The following TRPM1 variants were observed in gnomAD, a reference collection of about 807,000 sequenced individuals.
TRPM1 encodes transient receptor potential cation channel subfamily M member 1, also known as TRPM1-203 APA Isoform, Intron 10.
In TRPM1, 113 loss-of-function variants were observed where a neutral mutation model predicts 149.4. The observed-to-expected ratio is 0.76, with a 90% CI of 0.65 to 0.88. The LOEUF (loss-of-function observed/expected upper bound fraction) is 0.88, where lower values mean the gene tolerates loss of function less well. Ranked by LOEUF, TRPM1 falls within the 40% of genes least tolerant of loss-of-function variation. TRPM1 has a pLI of 0.00. For missense variants in TRPM1, 1,976 were observed against 2,038.7 expected (o/e 0.97, Z 0.59); for synonymous variants, 741 against 759.5 (o/e 0.98, Z 0.40).
intron 1 of TRPM1, among the ~76,000 whole-genome samples, chr15:31,112,723 G>A (rs2035707812): frequency 6.6e-6 from 1 of 152,120 alleles, no homozygotes; most frequent in Non-Finnish European, 1.5e-5. Context: ...TTAGAGCTCA[G>A]GCATTCTCAA....
At chr15:31,105,441 G>C (rs1330593963), upstream of TRPM1, among the ~76,000 whole-genome samples, 48 of 15,940 alleles carry the variant, frequency 3.0e-3, no homozygotes, top group African/African-American at 5.6e-3. Context: ...GTCTCTGTGT[G>C]TGTGTGTGTG....
At chr15:31,160,785 C>T in intron 1 of TRPM1, 5 of 1,120,616 alleles carry the variant, frequency 4.5e-6, no homozygotes, top group Non-Finnish European at 5.2e-6. Context: ...CCATGCCCAC[C>T]CAGCACAGTT....
chr15:31,054,767 C>T (rs2034040332), intron 11 of TRPM1, among the ~76,000 whole-genome samples: 1 of 152,168 alleles, frequency 6.6e-6, no homozygotes. Flanking sequence ...TCCATCACCT[C>T]ACATACTTAT....
chr15:31,017,675 T>C (rs2032413731), intron 27 of TRPM1, among the ~76,000 whole-genome samples: 1 of 152,270 alleles, frequency 6.6e-6, no homozygotes, highest in African/African-American at 2.4e-5. Context: ...AAATCTTCTC[T>C]ATATTGGGGT....
At chr15:31,070,005 G>T in intron 4 of TRPM1, 26 bp downstream of exon 4, 1 of 1,614,204 alleles carries the variant, frequency 6.2e-7, no homozygotes. Context: ...GATCCTAGTG[G>T]CACCATGTCT....
chr15:31,029,539 G>C, intron 23 of TRPM1, 148 bp from the exon 24 acceptor site: 1 of 793,192 alleles, frequency 1.3e-6, no homozygotes, highest in South Asian at 1.5e-5. Flanking sequence ...AATATTTTAA[G>C]CTTGGGAAAT....
chr15:31,119,079 A>G (rs2035841118), intron 1 of TRPM1, among the ~76,000 whole-genome samples: 1 of 152,036 alleles, frequency 6.6e-6, no homozygotes, highest in African/African-American at 2.4e-5. Flanking sequence ...GTCTCTACTA[A>G]AAATACAAAA....
At chr15:31,153,685 A>T (rs559836273) in intron 1 of TRPM1, among the ~76,000 whole-genome samples, 4 of 152,236 alleles carry the variant, frequency 2.6e-5, no homozygotes, top group African/African-American at 9.6e-5. Context: ...CTGTGAATCC[A>T]CTTATCATCT....
Position 31,002,903 on chromosome 15 carries a change from TG to T in TRPM1, c.3796del (p.Gln1266ArgfsTer63). The T allele has an allele frequency of 6.2e-7, 1 of 1,613,792 alleles. No individual in the cohort carries two copies. Among genetic ancestry groups the T allele is most frequent in the South Asian group, 1.1e-5 (1 of 91,060 alleles). On this transcript the variant is annotated frameshift_variant, in exon 28 of 28. Coordinates refer to ENST00000256552, the MANE Select transcript of TRPM1 (RefSeq NM_001252024.2). LOFTEE classifies it low-confidence loss of function (END_TRUNC). ...LAGIDRSDLI[Q>X]ARSRASSECE... ...TTCAGAAGAAGCCCGGGACCGTGCC[TG>T]GATCAGGTCAGACCTGTCGATTCCC...
chr15:31,078,894 T>C (rs1216053936), intron 2 of TRPM1, among the ~76,000 whole-genome samples: 2 of 152,114 alleles, frequency 1.3e-5, no homozygotes, highest in African/African-American at 4.8e-5. Flanking sequence ...CTCCCATGAG[T>C]AGGTTACTTT....
Position 31,002,641 on chromosome 15 carries a change from G to T in TRPM1, c.4059C>A (p.Ser1353Arg), listed in dbSNP as rs199880866. The T allele has an allele frequency of 4.2e-5, 67 of 1,614,194 alleles. 1 individual carries two copies. The Admixed American group carries it at 1.1e-3, about 26-fold the overall frequency. ...GACTGCCATCTGGGGTTGCTGATGTGCTTGTGCCCAGTGAAAGGTGAAGAC... is the reference window on the plus strand; with the variant it reads ...GACTGCCATCTGGGGTTGCTGATGTTCTTGTGCCCAGTGAAAGGTGAAGAC... Reference protein sequence around the residue: ...QNSLHLSLGTSTSATPDGSHL... With the variant: ...QNSLHLSLGTRTSATPDGSHL... Residue 1353 changes from serine (S) to arginine (R), a missense_variant, in exon 28 of 28, where the codon AGC (serine) becomes AGA (arginine). By Grantham distance (110) the Ser-to-Arg change is moderately radical (BLOSUM62 -1). Transcript: ENST00000256552.
In TRPM1 at chr15:31,067,928, C is replaced by G. The variant is rs746679057; in HGVS notation, c.444G>C (p.Lys148Asn). The G allele has an allele frequency of 6.2e-7, 1 of 1,613,950 alleles. No homozygotes were observed. The highest frequency in any genetic ancestry group is 1.7e-5 in the Admixed American group (1 of 60,018). ...TCCAGGCCCCGGTGGTCATAGCAGCCTTGATCAGGCCTTTCCCAAAGACTT... is the reference window on the plus strand; with the variant it reads ...TCCAGGCCCCGGTGGTCATAGCAGCGTTGATCAGGCCTTTCCCAAAGACTT... ...LKQVFGKGLIKAAMTTGAWIF... is the reference protein window; with the variant it reads ...LKQVFGKGLINAAMTTGAWIF... Residue 148 changes from lysine to asparagine, a missense_variant, in exon 5 of 28, where the codon AAG becomes AAC. By Grantham distance (94) the Lys-to-Asn change is moderately conservative (BLOSUM62 0). Around this residue, in one of 3 missense-constraint regions of TRPM1, gnomAD observed 1,332 missense variants for 1,347.1 expected, o/e 0.99. Coordinates refer to ENST00000256552, the MANE Select transcript of TRPM1 (RefSeq NM_001252024.2).
chr15:31,078,520 T>G lies in TRPM1; in HGVS notation c.4-1536A>C, dbSNP rs562445268. On this transcript the variant is annotated intron_variant, in intron 2 of 27. Transcript: ENST00000256552. ...CTTCAAAAAGCAACACCGTACACTT[T>G]TCTCTGTAAATAATTTAATGACTGT... Among the ~76,000 whole-genome samples, 7 of 152,324 alleles carry G rather than the reference T, an allele frequency of 4.6e-5. No homozygotes were observed. In the East Asian group the frequency reaches 1.4e-3, roughly 29 times the overall value.
At chr15:31,032,184 G>C (rs1389113276) in intron 22 of TRPM1, among the ~76,000 whole-genome samples, 1 of 152,004 alleles carries the variant, frequency 6.6e-6, no homozygotes, top group Admixed American at 6.6e-5. Flanking sequence ...ATCAAAAATT[G>C]ATGTTCTCTT....
At chr15:31,076,377 T>C (rs1277648582) in intron 3 of TRPM1, among the ~76,000 whole-genome samples, 1 of 152,186 alleles carries the variant, frequency 6.6e-6, no homozygotes, top group African/African-American at 2.4e-5. Context: ...AGATGAGACA[T>C]TTTAGTTAAA....
chr15:31,152,705 C>A (rs983509317), intron 1 of TRPM1, among the ~76,000 whole-genome samples: 2 of 152,084 alleles, frequency 1.3e-5, no homozygotes. Flanking sequence ...TGTTGTGGTG[C>A]GATCATGGCT....
At chr15:31,059,556 C>T (rs1019361558) in intron 11 of TRPM1, among the ~76,000 whole-genome samples, 2 of 152,156 alleles carry the variant, frequency 1.3e-5, no homozygotes, top group African/African-American at 2.4e-5. Context: ...TAGGCATGCA[C>T]TCCCATGCCT....
Position 31,002,488 on chromosome 15 carries a change from A to G in TRPM1, c.4212T>C (p.Asn1404=), listed in dbSNP as rs2031816826. Residue 1404 remains asparagine, a synonymous_variant, in exon 28 of 28, where the codon AAT becomes AAC. Coordinates refer to ENST00000256552, the MANE Select transcript of TRPM1 (RefSeq NM_001252024.2). ...KKEETISPSL[N]KTDVIHGQDK... is the part of the protein sequence containing the mutation. ...CCTGTCCATGTATCACATCTGTTTT[A>G]TTTAAACTTGGGGAAATAGTTTCTT... 1 of 1,614,100 alleles carries G rather than the reference A, an allele frequency of 6.2e-7. No individual in the cohort carries two copies. The highest frequency in any genetic ancestry group is 8.5e-7 in the Non-Finnish European group (1 of 1,180,004).
At chr15:31,127,393 C>T (rs1289931328) in intron 1 of TRPM1, among the ~76,000 whole-genome samples, 1 of 152,138 alleles carries the variant, frequency 6.6e-6, no homozygotes, top group Non-Finnish European at 1.5e-5. Flanking sequence ...GCTGAGTTTC[C>T]GCAGAAGGCA....
Sources: gnomAD v4.1 joint callset for allele counts (sites outside exome capture counted in the v4.1 genomes callset) on GRCh38, gnomAD v4.1.1 for gene constraint, gnomAD v4.1.1 regional missense constraint, MANE v1.5 for transcripts, NCBI Gene and HGNC (gene_info 2026-07-23, HGNC 2026-07-21) for gene names.